MTRR: variants seen among roughly 807,000 people sequenced by gnomAD.
MTRR encodes 5-methyltetrahydrofolate-homocysteine methyltransferase reductase.
In MTRR, 63 loss-of-function variants were observed where a neutral mutation model predicts 79.2. The ratio of observed to expected loss-of-function variants is 0.80; its 90% CI spans 0.65 to 0.98. The LOEUF (loss-of-function observed/expected upper bound fraction) is 0.98. Ranked by LOEUF, MTRR falls within the 50% of genes least tolerant of loss-of-function variation. The pLI is 0.00. For synonymous variants in MTRR, 355 were observed against 313.3 expected, an observed-to-expected ratio of 1.13 and a Z score of -1.41; for missense variants, 895 against 839.6, an observed-to-expected ratio of 1.07 and a Z score of -0.82.
At chr5:7,853,933 A>AGATGAGGGTGGAATGAGATGTGAGGC (rs1386061580) in intron 1 of MTRR, among the ~76,000 whole-genome samples, 2 of 152,154 alleles carry the variant, frequency 1.3e-5, no homozygotes, top group African/African-American at 4.8e-5. Context: ...GGTCCACCAG[A>AGATGAGGGTGGAATGAGATGTGAGGC]GATGAGGGTG....
At chr5:7,889,053 C>T (rs1737100103) in intron 8 of MTRR, 42 bp from the exon 9 acceptor site, 2 of 1,611,646 alleles carry the variant, frequency 1.2e-6, no homozygotes, top group African/African-American at 1.3e-5. Flanking sequence ...ATAGCTCTAC[C>T]CACAAATTGT....
intron 8 of MTRR, among the ~76,000 whole-genome samples, chr5:7,888,079 G>A (rs1301057284): frequency 6.6e-6 from 1 of 151,846 alleles, no homozygotes; most frequent in Non-Finnish European, 1.5e-5. Flanking sequence ...ATTTGTTGAT[G>A]TAATTATGGG....
At chr5:7,875,969 T>C (rs1198494319) in intron 4 of MTRR, among the ~76,000 whole-genome samples, 1 of 152,270 alleles carries the variant, frequency 6.6e-6, no homozygotes, top group Non-Finnish European at 1.5e-5. Context: ...CATCCTGATG[T>C]GTTTATTCAG....
intron 5 of MTRR, among the ~76,000 whole-genome samples, chr5:7,881,649 C>G (rs965002727): frequency 1.3e-5 from 2 of 152,152 alleles, no homozygotes; most frequent in Non-Finnish European, 2.9e-5. Context: ...TCATGGGCTG[C>G]ATGAGATGAC....
At position 7,884,028 on chromosome 5, in the gene MTRR, G is replaced by C. The variant is rs62342528; in HGVS notation, c.903+751G>C. On this transcript the variant is annotated intron_variant, in intron 6 of 14. Transcript: ENST00000440940. ...AAAATACAATAAGTAGCTGGGCATG[G>C]TGGTGTGTACCGATGGTCCCAGCTA... Among the ~76,000 whole-genome samples, 33,546 of 152,186 alleles carry C rather than the reference G, an allele frequency of 0.22. 4,440 individuals are homozygous for C. Among genetic ancestry groups the C allele is most frequent in the Non-Finnish European group, 0.29 (19,825 of 67,980 alleles).
chr5:7,861,512 G>C, intron 1 of MTRR: 1 of 1,121,142 alleles, frequency 8.9e-7, no homozygotes, highest in South Asian at 2.6e-5. Context: ...TCACCTTCTT[G>C]AGAAAAAGAT....
intron 2 of MTRR, among the ~76,000 whole-genome samples, chr5:7,862,505 C>G (rs535516463): frequency 6.6e-6 from 1 of 152,154 alleles, no homozygotes; most frequent in Non-Finnish European, 1.5e-5. Flanking sequence ...GCATTTCCTA[C>G]GTTCCAGGTA....
intron 5 of MTRR, among the ~76,000 whole-genome samples, chr5:7,881,089 G>A (rs182691437): frequency 6.6e-6 from 1 of 152,228 alleles, no homozygotes. Context: ...TGGAGCAGCG[G>A]CCTACAGCTC....
chr5:7,889,457 C>A (rs899905474), intron 9 of MTRR, among the ~76,000 whole-genome samples, 182 bp downstream of exon 9: 1 of 152,176 alleles, frequency 6.6e-6, no homozygotes, highest in African/African-American at 2.4e-5. Flanking sequence ...CTTCAGGGTG[C>A]TGTGACATCT....
At chr5:7,857,911 C>G (rs1357320621) in intron 1 of MTRR, among the ~76,000 whole-genome samples, 2 of 152,196 alleles carry the variant, frequency 1.3e-5, no homozygotes, top group African/African-American at 4.8e-5. Flanking sequence ...GAAAAGCTTG[C>G]AATGGATGAG....
At chr5:7,863,237 TAAACAG>T (rs1028782592) in intron 2 of MTRR, 2 of 457,860 alleles carry the variant, frequency 4.4e-6, no homozygotes, top group African/African-American at 4.1e-5. Flanking sequence ...CTGGTTACCA[TAAACAG>T]AAAGAAAAGT....
chr5:7,865,064 C>T (rs565328032), upstream of MTRR, among the ~76,000 whole-genome samples: 2 of 152,058 alleles, frequency 1.3e-5, no homozygotes, highest in South Asian at 4.2e-4. Flanking sequence ...CGAGGGATGG[C>T]CATGATATAC....
At chr5:7,854,805 T>A (rs559856644) in intron 1 of MTRR, among the ~76,000 whole-genome samples, 1 of 152,240 alleles carries the variant, frequency 6.6e-6, no homozygotes, top group Non-Finnish European at 1.5e-5. Context: ...CCAGTCTGAG[T>A]CCCAGAGCTG....
intron 2 of MTRR, among the ~76,000 whole-genome samples, chr5:7,871,644 C>T (rs769681291): frequency 6.6e-6 from 1 of 152,208 alleles, no homozygotes; most frequent in Non-Finnish European, 1.5e-5. Flanking sequence ...CACCCAAGTG[C>T]ACAACCCTCT....
chr5:7,887,776 TTG>T (rs138411575), intron 8 of MTRR, among the ~76,000 whole-genome samples: 16,792 of 111,352 alleles, frequency 0.15, 1,374 homozygotes, highest in Middle Eastern at 0.3. Flanking sequence ...ATGTATATAT[TTG>T]TGTGTGTGTG....
intron 14 of MTRR, among the ~76,000 whole-genome samples, 168 bp from the exon 15 acceptor site, chr5:7,899,746 A>T (rs1279374728): frequency 6.6e-6 from 1 of 152,184 alleles, no homozygotes; most frequent in Non-Finnish European, 1.5e-5. Context: ...CTGTAGGCAA[A>T]GGCCTGGCCT....
At chr5:7,867,584 T>G, upstream of MTRR, 1 of 1,614,258 alleles carries the variant, frequency 6.2e-7, no homozygotes, top group Non-Finnish European at 8.5e-7. Context: ...GGGCTCCTTT[T>G]CAAACTGAAA....
At chr5:7,877,065 A>G (rs326124) in intron 4 of MTRR, among the ~76,000 whole-genome samples, 128,968 of 152,226 alleles carry the variant, frequency 0.85, 54,884 homozygotes, top group African/African-American at 0.91. Flanking sequence ...TGAAATGACA[A>G]CCTGAGTCAT....
At chr5:7,865,884 G>A, upstream of MTRR, 1 of 1,603,740 alleles carries the variant, frequency 6.2e-7, no homozygotes, top group Non-Finnish European at 8.5e-7. Context: ...GCCACATATA[G>A]TTCATGCTTT....
Sources: gnomAD v4.1 joint callset for allele counts (sites outside exome capture counted in the v4.1 genomes callset) on GRCh38, gnomAD v4.1.1 for gene constraint, MANE v1.5 for transcripts, NCBI Gene and HGNC (gene_info 2026-07-23, HGNC 2026-07-21) for gene names.